LSAMP: variants seen among roughly 807,000 people sequenced by gnomAD.
LSAMP encodes the protein limbic system-associated membrane protein.
A neutral mutation model predicts 38.6 loss-of-function variants in LSAMP; 7 were observed. The ratio of observed to expected loss-of-function variants is 0.18; its 90% CI spans 0.10 to 0.34. The LOEUF (loss-of-function observed/expected upper bound fraction) is 0.34. LSAMP is among the 10% of genes least tolerant of loss of function. The pLI, the probability that LSAMP is intolerant of heterozygous loss-of-function variation, is 1.00. For missense variants in LSAMP, 313 were observed against 420.0 expected, an observed-to-expected ratio of 0.75 and a Z score of 2.23; for synonymous variants, 154 against 166.8, an observed-to-expected ratio of 0.92 and a Z score of 0.59.
intron 1 of LSAMP, among the ~76,000 whole-genome samples, chr3:116,094,741 T>G (rs2107439511): frequency 6.6e-6 from 1 of 152,284 alleles, no homozygotes; most frequent in East Asian, 1.9e-4. Context: ...AACAAACAGT[T>G]TAGATCCTGA....
intron 2 of LSAMP, among the ~76,000 whole-genome samples, chr3:116,044,798 G>A (rs889489435): frequency 3.9e-5 from 6 of 152,134 alleles, no homozygotes; most frequent in African/African-American, 1.2e-4. Flanking sequence ...ACCTGTGTTT[G>A]TAAGAAGGAG....
intron 6 of LSAMP, chr3:115,834,463 A>G (rs866838086): frequency 1.1e-6 from 1 of 932,934 alleles, no homozygotes; most frequent in African/African-American, 1.7e-5. Flanking sequence ...TTGTATGTGA[A>G]TTTTTTGAAT....
intron 2 of LSAMP, among the ~76,000 whole-genome samples, chr3:116,027,623 CT>C (rs1043485807): frequency 6.6e-6 from 1 of 152,172 alleles, no homozygotes; most frequent in African/African-American, 2.4e-5. Context: ...CTAGATACTC[CT>C]TTGGCTTCCA....
chr3:116,353,259 G>T (rs914498578), intron 1 of LSAMP, among the ~76,000 whole-genome samples: 1 of 152,154 alleles, frequency 6.6e-6, no homozygotes, highest in East Asian at 1.9e-4. Context: ...ACCTAACTGG[G>T]AAAATTTAGA....
intron 1 of LSAMP, among the ~76,000 whole-genome samples, chr3:116,432,785 C>T (rs1329686057): frequency 6.6e-6 from 1 of 152,070 alleles, no homozygotes; most frequent in Non-Finnish European, 1.5e-5. Flanking sequence ...CATGCCCAAT[C>T]TAGAGGTTTA....
intron 3 of LSAMP, among the ~76,000 whole-genome samples, chr3:115,933,709 T>C (rs10934315): frequency 0.52 from 78,681 of 151,964 alleles, 21,891 homozygotes; most frequent in East Asian, 0.76. Context: ...AGTATCTCCA[T>C]ACTGTGGTGA....
chr3:115,846,010 G>A (rs1935146985), intron 4 of LSAMP, among the ~76,000 whole-genome samples: 1 of 152,138 alleles, frequency 6.6e-6, no homozygotes, highest in African/African-American at 2.4e-5. Flanking sequence ...TTTTTCAAAT[G>A]ACACCATGGT....
intron 1 of LSAMP, among the ~76,000 whole-genome samples, chr3:116,427,181 C>A (rs538894746): frequency 6.9e-6 from 1 of 145,900 alleles, no homozygotes; most frequent in Non-Finnish European, 1.5e-5. Context: ...ACTGCAGTGG[C>A]GCAATCTCGG....
chr3:116,219,091 A>C (rs964300246), intron 1 of LSAMP, among the ~76,000 whole-genome samples: 1 of 152,202 alleles, frequency 6.6e-6, no homozygotes, highest in East Asian at 1.9e-4. Flanking sequence ...CACTTTATGC[A>C]CATTGATTAG....
chr3:115,987,751 C>T (rs1050797158), intron 3 of LSAMP, among the ~76,000 whole-genome samples: 2 of 152,084 alleles, frequency 1.3e-5, no homozygotes, highest in Non-Finnish European at 2.9e-5. Flanking sequence ...GAATTCTGGA[C>T]CACACATCCA....
chr3:116,122,261 A>C (rs534336854), intron 1 of LSAMP, among the ~76,000 whole-genome samples: 3 of 152,328 alleles, frequency 2.0e-5, no homozygotes, highest in African/African-American at 7.2e-5. Context: ...TCTATAGTAA[A>C]ACCCACTTAT....
At chr3:116,222,117 C>A (rs1576442742) in intron 1 of LSAMP, among the ~76,000 whole-genome samples, 2 of 151,992 alleles carry the variant, frequency 1.3e-5, no homozygotes, top group Non-Finnish European at 2.9e-5. Context: ...GCCTACTGAT[C>A]CGGGTTCTAA....
At chr3:116,213,155 A>G (rs1472215294) in intron 1 of LSAMP, among the ~76,000 whole-genome samples, 1 of 152,168 alleles carries the variant, frequency 6.6e-6, no homozygotes, top group Non-Finnish European at 1.5e-5. Context: ...TTGTGAAAAT[A>G]CCCTACTGTT....
At chr3:116,053,113 T>A (rs547821813) in intron 2 of LSAMP, among the ~76,000 whole-genome samples, 1 of 152,278 alleles carries the variant, frequency 6.6e-6, no homozygotes, top group East Asian at 1.9e-4. Flanking sequence ...GAAATATGGA[T>A]CTCAACAGTA....
chr3:115,889,408 T>G (rs1936537934), intron 3 of LSAMP, among the ~76,000 whole-genome samples: 1 of 151,894 alleles, frequency 6.6e-6, no homozygotes, highest in Non-Finnish European at 1.5e-5. Context: ...AAACTGGGAT[T>G]CTGGTGCTCC....
chr3:116,204,348 G>C (rs1239335212), intron 1 of LSAMP, among the ~76,000 whole-genome samples: 1 of 151,930 alleles, frequency 6.6e-6, no homozygotes, highest in Non-Finnish European at 1.5e-5. Flanking sequence ...CCATTTTGTA[G>C]GTTGCCTGTT....
intron 1 of LSAMP, among the ~76,000 whole-genome samples, chr3:116,405,933 T>C (rs2107832263): frequency 6.6e-6 from 1 of 152,304 alleles, no homozygotes; most frequent in East Asian, 1.9e-4. Flanking sequence ...TTTTAGTTTC[T>C]CACTGGTGTA....
intron 1 of LSAMP, among the ~76,000 whole-genome samples, chr3:116,147,648 C>A (rs776430357): frequency 7.2e-5 from 11 of 151,878 alleles, no homozygotes; most frequent in Non-Finnish European, 1.5e-4. Flanking sequence ...ACTCTTTTTA[C>A]AAAACTAGGG....
At chr3:115,923,854 C>T (rs971149205) in intron 3 of LSAMP, among the ~76,000 whole-genome samples, 3 of 152,040 alleles carry the variant, frequency 2.0e-5, no homozygotes, top group African/African-American at 7.2e-5. Flanking sequence ...GCACTTTTTT[C>T]ATTTTTATAT....
Sources: allele counts gnomAD v4.1 joint callset (sites outside exome capture counted in the v4.1 genomes callset), GRCh38; gene constraint gnomAD v4.1.1; transcripts MANE v1.5; gene names NCBI Gene and HGNC (gene_info 2026-07-23, HGNC 2026-07-21).